USP45: variants seen among roughly 807,000 people sequenced by gnomAD.
USP45 encodes the protein ubiquitin carboxyl-terminal hydrolase 45.
USP45 carries 89 observed loss-of-function variants against 95.8 expected under a neutral mutation model. The observed-to-expected ratio is 0.93, with a 90% confidence interval of 0.78 to 1.11. USP45 has a LOEUF of 1.11. Among genes scored for constraint, USP45 ranks in the 50% least tolerant of loss-of-function variants. The pLI is 0.00. For missense variants in USP45, 898 were observed against 942.5 expected (o/e 0.95, Z 0.62); for synonymous variants, 281 against 316.2 (o/e 0.89, Z 1.18).
intron 13 of USP45, among the ~76,000 whole-genome samples, chr6:99,448,838 C>T (rs1380335443): frequency 6.6e-6 from 1 of 152,228 alleles, no homozygotes; most frequent in African/African-American, 2.4e-5. Context: ...TTGGCAGAAA[C>T]TCTACAAGCC....
At chr6:99,462,721 T>C in intron 13 of USP45, 1 of 991,570 alleles carries the variant, frequency 1.0e-6, no homozygotes, top group Non-Finnish European at 1.2e-6. Context: ...GGCTCACACC[T>C]GCAATTCCAG....
At chr6:99,481,916 G>GT (rs900125493) in intron 8 of USP45, among the ~76,000 whole-genome samples, 5 of 152,090 alleles carry the variant, frequency 3.3e-5, no homozygotes, top group African/African-American at 9.7e-5. Flanking sequence ...AATTTTGCAG[G>GT]TTTTTTTGGT....
intron 7 of USP45, among the ~76,000 whole-genome samples, chr6:99,484,004 G>GCTTTTTTT (rs1554246518): frequency 1.4e-3 from 128 of 91,450 alleles, no homozygotes; most frequent in Non-Finnish European, 2.1e-3. Flanking sequence ...ATTTTCCATA[G>GCTTTTTTT]TTTTTTTTTT....
chr6:99,446,476 A>G lies in USP45; in HGVS notation c.1309-13T>C, dbSNP rs980566411. On this transcript the variant is annotated splice_polypyrimidine_tract_variant and intron_variant, in intron 13 of 17. Transcript: ENST00000500704. ...GAATTAGTTGACTCTGTAAGTTGAC[A>G]GTGTTTTCAAAGAAAAGAGTCTTGT... 2.5e-6 allele frequency: 4 copies of G among 1,586,624 alleles called. No homozygotes were observed. In the African/African-American group the frequency reaches 5.7e-5, roughly 23 times the overall value.
At chr6:99,500,049 GA>G (rs1352891496) in intron 5 of USP45, among the ~76,000 whole-genome samples, 1 of 152,200 alleles carries the variant, frequency 6.6e-6, no homozygotes, top group Non-Finnish European at 1.5e-5. Context: ...TGCATAAACA[GA>G]TTACTGCCTG....
In USP45 at chr6:99,433,216, T is replaced by C. The variant is rs1779972213; in HGVS notation, c.*2500A>G. The C allele has an allele frequency of 6.6e-6, 1 of 152,636 alleles. No individual in the cohort carries two copies. The highest frequency in any genetic ancestry group is 6.5e-5 in the Admixed American group (1 of 15,282). The allele number at this position is 152,636 out of a possible 1,614,324, so 9.5% of individuals were successfully genotyped here. A position where few individuals can be genotyped will look rare whatever the true frequency, so the allele number is the denominator to read the frequency against. On this transcript the variant is annotated 3_prime_UTR_variant, in exon 18 of 18. Transcript: ENST00000500704. ...CTTCACAAGTTTTAAGAACATTAAA[T>C]GACAATATTGGCACATAATCAATAT...
intron 13 of USP45, among the ~76,000 whole-genome samples, chr6:99,460,509 T>C (rs1452454912): frequency 6.6e-6 from 1 of 152,186 alleles, no homozygotes; most frequent in Non-Finnish European, 1.5e-5. Flanking sequence ...TAAAAAAATT[T>C]ACATAGGTTA....
At chr6:99,510,362 A>G in intron 1 of USP45, 132 bp from the exon 2 acceptor site, 1 of 619,448 alleles carries the variant, frequency 1.6e-6, no homozygotes. Context: ...GAGGAAGAAG[A>G]GGGGAACATC....
At chr6:99,460,653 C>T in intron 13 of USP45, 1 of 342,016 alleles carries the variant, frequency 2.9e-6, no homozygotes, top group Non-Finnish European at 4.1e-6. Context: ...TTGATAGATA[C>T]CGTAACTACA....
chr6:99,453,376 A>C (rs994004771), intron 13 of USP45, among the ~76,000 whole-genome samples: 1 of 152,126 alleles, frequency 6.6e-6, no homozygotes, highest in Admixed American at 6.5e-5. Flanking sequence ...ACAACAAAGT[A>C]GCTGGAAAAA....
intron 5 of USP45, among the ~76,000 whole-genome samples, chr6:99,490,978 GT>G: frequency 6.9e-6 from 1 of 144,132 alleles, no homozygotes; most frequent in East Asian, 2.4e-4. Context: ...CTATTAACTG[GT>G]TTCCCCCTAT....
rs753146216 is a variant in USP45 at position 99,435,725 on chromosome 6, T to C, written c.2436A>G (p.Arg812=). The C allele has an allele frequency of 5.2e-5, 84 of 1,612,344 alleles. No individual in the cohort carries two copies. The highest frequency in any genetic ancestry group is 1.7e-4 in the Middle Eastern group (1 of 6,054). The part of the protein sequence containing the change: ...SAQAYLLFYE[R]VL ...TCATTACCATTAATAGTTATAATAC[T>C]CTTTCATAGAAAAGAAGGTAGGCTT... Residue 812 remains arginine (R), a synonymous_variant, in exon 18 of 18, where the codon AGA becomes AGG. Transcript: ENST00000500704.
chr6:99,446,333 G>A lies in USP45; in HGVS notation c.1439C>T (p.Ser480Leu). ...LMFASLMNSE[S>L]RLNESPTDDS... ...ATCAGTAGGGCTTTCATTCAGACGT[G>A]ACTCAGAATTCATGAGGCTGGCAAA... Residue 480 changes from serine to leucine, a missense_variant, in exon 14 of 18, where the codon TCA (serine) becomes TTA (leucine). By Grantham distance (145) the Ser-to-Leu change is moderately radical. Coordinates refer to ENST00000500704, the MANE Select transcript of USP45 (RefSeq NM_001346022.3). 1 of 1,614,168 alleles carries A rather than the reference G, an allele frequency of 6.2e-7. No homozygotes were observed. The highest frequency in any genetic ancestry group is 8.5e-7 in the Non-Finnish European group (1 of 1,180,032).
chr6:99,513,358 C>G (rs1426423979), intron 1 of USP45, among the ~76,000 whole-genome samples: 1 of 152,208 alleles, frequency 6.6e-6, no homozygotes, highest in African/African-American at 2.4e-5. Flanking sequence ...CCCTCCAACT[C>G]CCAACTAACT....
chr6:99,505,016 A>C (rs1195413074), intron 4 of USP45, among the ~76,000 whole-genome samples: 1 of 152,222 alleles, frequency 6.6e-6, no homozygotes, highest in Non-Finnish European at 1.5e-5. Flanking sequence ...GGGTATAGGT[A>C]AATTCATTAT....
chr6:99,488,410 T>G (rs1794471395), intron 6 of USP45, 115 bp from the exon 7 acceptor site: 2 of 741,850 alleles, frequency 2.7e-6, no homozygotes, highest in Non-Finnish European at 4.3e-6. Context: ...CAAAAAATAT[T>G]AAGATTTAGT....
intron 9 of USP45, among the ~76,000 whole-genome samples, chr6:99,472,870 T>C (rs906212920): frequency 1.3e-5 from 2 of 152,218 alleles, no homozygotes; most frequent in African/African-American, 4.8e-5. Context: ...CAATCAGCAG[T>C]ATTTTATAGA....
intron 13 of USP45, among the ~76,000 whole-genome samples, chr6:99,457,723 A>G (rs771468364): frequency 6.6e-6 from 1 of 152,182 alleles, no homozygotes; most frequent in Non-Finnish European, 1.5e-5. Context: ...GGTGATTATC[A>G]GACTCACCTA....
chr6:99,512,606 C>T lies in USP45; in HGVS notation c.-10-2376G>A, dbSNP rs191952203. ...GGTTGCTGACTTACTTCTCAATGATCAAGGTAATGAATCTTTCAATTCAGT... is the reference window on the plus strand; with the variant it reads ...GGTTGCTGACTTACTTCTCAATGATTAAGGTAATGAATCTTTCAATTCAGT... On this transcript the variant is annotated intron_variant, in intron 1 of 17. Transcript: ENST00000500704. 2.2e-3 allele frequency among the ~76,000 whole-genome samples: 329 copies of T among 152,290 alleles called. 4 individuals are homozygous for T. Among genetic ancestry groups the T allele is most frequent in the African/African-American group, 7.6e-3 (317 of 41,564 alleles).
Sources: allele counts gnomAD v4.1 joint callset (sites outside exome capture counted in the v4.1 genomes callset), GRCh38; gene constraint gnomAD v4.1.1; transcripts MANE v1.5; gene names NCBI Gene and HGNC (gene_info 2026-07-23, HGNC 2026-07-21).